FAM171A1: variants seen among roughly 807,000 people sequenced by gnomAD.
FAM171A1 encodes the protein family with sequence similarity 171 member A1, also known as protein FAM171A1.
FAM171A1 carries 23 observed loss-of-function variants against 74.9 expected under a neutral mutation model. That is an observed-to-expected ratio of 0.31 (90% CI 0.22 to 0.44). FAM171A1 has a LOEUF of 0.44. Among genes scored for constraint, FAM171A1 ranks in the 20% least tolerant of loss-of-function variants. The pLI, the probability that FAM171A1 is intolerant of heterozygous loss-of-function variation, is 1.00. For synonymous variants in FAM171A1, 527 were observed against 505.7 expected (o/e 1.04, Z -0.57); for missense variants, 1,162 against 1,159.2 (o/e 1.00, Z -0.03).
Position 15,213,760 on chromosome 10 carries a change from C to G in FAM171A1, c.1828G>C (p.Glu610Gln). 6.2e-7 allele frequency: 1 copy of G among 1,614,068 alleles called. No individual in the cohort carries two copies. The highest frequency in any genetic ancestry group is 8.5e-7 in the Non-Finnish European group (1 of 1,179,954). The change falls in exon 8 of 8, where the codon GAG becomes CAG. Residue 610 changes from glutamate to glutamine, a missense_variant. By Grantham distance (29) the Glu-to-Gln change is conservative. Coordinates refer to ENST00000378116, the MANE Select transcript of FAM171A1 (RefSeq NM_001010924.2). This position sits in a 1 kb window ranked among gnomAD's most constrained non-coding sequence, Gnocchi z 6.8. Reference sequence around the variant, plus strand: ...AGCTCAGCCTGTAGTCTTTCTATCTCAAGCTGCTGATCAGCCGGGACGACG... The same window carrying G: ...AGCTCAGCCTGTAGTCTTTCTATCTGAAGCTGCTGATCAGCCGGGACGACG... ...PLVVPADQQL[E>Q]IERLQAELSN... is the part of the protein sequence containing the mutation.
chr10:15,229,812 A>C (rs1834175447), intron 5 of FAM171A1, among the ~76,000 whole-genome samples: 8 of 15,836 alleles, frequency 5.1e-4, no homozygotes, highest in African/African-American at 2.4e-3. Context: ...CACCATCACC[A>C]CCACCATCAC....
At chr10:15,299,249 A>G (rs1835198942) in intron 1 of FAM171A1, among the ~76,000 whole-genome samples, 1 of 152,160 alleles carries the variant, frequency 6.6e-6, no homozygotes, top group Non-Finnish European at 1.5e-5. Flanking sequence ...TTTTTCATGA[A>G]GGCACAAAGT....
rs944192796 is a variant in FAM171A1 at position 15,247,807 on chromosome 10, G to T, written c.754+832C>A. On this transcript the variant is annotated intron_variant, in intron 5 of 7. Coordinates refer to ENST00000378116, the MANE Select transcript of FAM171A1 (RefSeq NM_001010924.2). ...ATTTTTATTTACTCTTGGATCATTT[G>T]CTCAGGGGAAAGCAAACTACCGTGT... Among the ~76,000 whole-genome samples, 5 of 152,262 alleles carry T rather than the reference G, an allele frequency of 3.3e-5. No individual in the cohort carries two copies. In the East Asian group the frequency reaches 5.8e-4, roughly 18 times the overall value.
intron 1 of FAM171A1, among the ~76,000 whole-genome samples, chr10:15,314,168 G>A (rs924627441): frequency 6.6e-6 from 1 of 152,136 alleles, no homozygotes; most frequent in African/African-American, 2.4e-5. Context: ...TACAACTGGG[G>A]AAGGATTTCA....
Position 15,275,244 on chromosome 10 carries a change from A to G in FAM171A1, c.418+611T>C, listed in dbSNP as rs116976891. Among the ~76,000 whole-genome samples the G allele has an allele frequency of 5.3e-4, 80 of 152,204 alleles. 1 individual carries two copies. The East Asian group carries it at 0.01, about 19-fold the overall frequency. On this transcript the variant is annotated intron_variant, in intron 3 of 7. Coordinates refer to ENST00000378116, the MANE Select transcript of FAM171A1 (RefSeq NM_001010924.2). ...TGTGCACATGCACCCTAGAACTTAA[A>G]GTATGATGTATAATTTAAAAAATAA...
At chr10:15,292,226 C>T (rs900932440) in intron 1 of FAM171A1, among the ~76,000 whole-genome samples, 2 of 152,106 alleles carry the variant, frequency 1.3e-5, no homozygotes, top group Non-Finnish European at 2.9e-5. Flanking sequence ...CCTCCTAATA[C>T]CTTCACCTTG....
chr10:15,296,817 T>C (rs898020133), intron 1 of FAM171A1, among the ~76,000 whole-genome samples: 23 of 150,936 alleles, frequency 1.5e-4, no homozygotes, highest in African/African-American at 4.8e-4. Context: ...AATGACCTCA[T>C]TGGAGACGCA....
At chr10:15,362,374 C>T (rs1836004738) in intron 1 of FAM171A1, among the ~76,000 whole-genome samples, 1 of 152,224 alleles carries the variant, frequency 6.6e-6, no homozygotes. Context: ...AATAAGACTT[C>T]TGTGTCCCAC....
chr10:15,363,241 G>A (rs890181398), intron 1 of FAM171A1, among the ~76,000 whole-genome samples: 2 of 152,190 alleles, frequency 1.3e-5, no homozygotes, highest in Non-Finnish European at 2.9e-5. Flanking sequence ...TTCACACTTC[G>A]GGCAAAAGGG....
intron 1 of FAM171A1, among the ~76,000 whole-genome samples, chr10:15,298,348 G>A (rs1835185316): frequency 6.6e-6 from 1 of 152,034 alleles, no homozygotes; most frequent in Non-Finnish European, 1.5e-5. Context: ...TGGCCAGGCT[G>A]GTTTCAAACT....
At chr10:15,370,654 G>A (rs1158141956) in intron 1 of FAM171A1, among the ~76,000 whole-genome samples, 8 of 151,418 alleles carry the variant, frequency 5.3e-5, no homozygotes, top group Admixed American at 5.3e-4. Flanking sequence ...GGGACCCCCG[G>A]GCGCATCCAG....
chr10:15,218,096 T>C (rs753910785), intron 6 of FAM171A1, among the ~76,000 whole-genome samples: 14 of 152,152 alleles, frequency 9.2e-5, no homozygotes, highest in African/African-American at 2.2e-4. Context: ...TTGTTTTGTT[T>C]TGAGATGGAG....
At position 15,212,860 on chromosome 10, in the gene FAM171A1, T is replaced by G; in HGVS notation, c.*55A>C. On this transcript the variant is annotated 3_prime_UTR_variant, in exon 8 of 8. Transcript: ENST00000378116. ...CTCCACGAACGGGTACGCGCTTCCA[T>G]GAGAAAGGATATTTGGCAATTTTAT... 5.0e-4 allele frequency: 793 copies of G among 1,596,496 alleles called. No homozygotes were observed. Among genetic ancestry groups the G allele is most frequent in the Non-Finnish European group, 6.1e-4 (714 of 1,172,704 alleles).
intron 3 of FAM171A1, among the ~76,000 whole-genome samples, chr10:15,264,358 C>G (rs1314969759): frequency 6.6e-6 from 1 of 152,066 alleles, no homozygotes; most frequent in African/African-American, 2.4e-5. Flanking sequence ...CGCAACAAAA[C>G]TGGCCGGGCA....
chr10:15,215,026 T>G (rs7084104), intron 7 of FAM171A1, among the ~76,000 whole-genome samples: 2 of 152,026 alleles, frequency 1.3e-5, no homozygotes, highest in Admixed American at 6.6e-5. Context: ...CCTCCCAAAG[T>G]GCTAGGCCTC....
intron 5 of FAM171A1, among the ~76,000 whole-genome samples, chr10:15,240,554 G>T (rs961615406): frequency 1.3e-5 from 2 of 152,026 alleles, no homozygotes; most frequent in Non-Finnish European, 2.9e-5. Context: ...TTCTTTGCTT[G>T]TTCCAAAAGA....
chr10:15,255,409 T>G (rs1834566562), intron 3 of FAM171A1, among the ~76,000 whole-genome samples: 1 of 152,168 alleles, frequency 6.6e-6, no homozygotes, highest in Non-Finnish European at 1.5e-5. Context: ...GCAATGAATC[T>G]TCTCTTTCTG....
chr10:15,299,210 C>T (rs1588540494), intron 1 of FAM171A1, among the ~76,000 whole-genome samples: 1 of 152,168 alleles, frequency 6.6e-6, no homozygotes, highest in South Asian at 2.1e-4. Context: ...TGAGCCACCG[C>T]GCCAGGCCAG....
At chr10:15,312,134 C>T (rs1229801553) in intron 1 of FAM171A1, among the ~76,000 whole-genome samples, 4 of 152,192 alleles carry the variant, frequency 2.6e-5, no homozygotes, top group Admixed American at 1.3e-4. Flanking sequence ...AAGCTGCCTC[C>T]CATTCAAGTT....
Sources: allele counts gnomAD v4.1 joint callset (sites outside exome capture counted in the v4.1 genomes callset), GRCh38; gene constraint gnomAD v4.1.1; non-coding constraint Gnocchi (gnomAD v3.1); transcripts MANE v1.5; gene names NCBI Gene and HGNC (gene_info 2026-07-23, HGNC 2026-07-21).